STK31: variants seen among roughly 807,000 people sequenced by gnomAD.
STK31 encodes serine/threonine-protein kinase 31.
Under a neutral mutation model 129.7 loss-of-function variants are expected in STK31, and 89 were observed. The ratio of observed to expected loss-of-function variants is 0.69; its 90% confidence interval spans 0.58 to 0.82. The LOEUF is 0.82. Ranked by LOEUF, STK31 falls within the 40% of genes least tolerant of loss-of-function variation. The pLI, the probability that STK31 is intolerant of heterozygous loss-of-function variation, is 0.00. For synonymous variants in STK31, 448 were observed against 395.3 expected (o/e 1.13, Z -1.58); for missense variants, 1,187 against 1,176.4 (o/e 1.01, Z -0.13).
chr7:23,805,442 A>T (rs1234400352), intron 22 of STK31, among the ~76,000 whole-genome samples: 1 of 152,006 alleles, frequency 6.6e-6, no homozygotes. Context: ...ATTACATTTT[A>T]TTTCTTTAAC....
At chr7:23,810,902 A>G (rs1399529351) in intron 22 of STK31, among the ~76,000 whole-genome samples, 1 of 136,380 alleles carries the variant, frequency 7.3e-6, no homozygotes, top group Admixed American at 7.9e-5. Context: ...TTATATATAA[A>G]TATACATAAA....
rs183565422 is a variant in STK31 at position 23,747,619 on chromosome 7, C to T, written c.1018-5098C>T. 4.6e-5 allele frequency among the ~76,000 whole-genome samples: 7 copies of T among 152,294 alleles called. No individual in the cohort carries two copies. The South Asian group carries it at 8.3e-4, about 18-fold the overall frequency. ...TCCTGACCTCGTGATCCACCCGCCT[C>T]GGCCTCCCAAAGTGCTGGGATTACA... On this transcript the variant is annotated intron_variant, in intron 8 of 23. Transcript: ENST00000355870.
At chr7:23,764,345 G>C (rs1789677134) in intron 11 of STK31, among the ~76,000 whole-genome samples, 2 of 152,038 alleles carry the variant, frequency 1.3e-5, no homozygotes, top group East Asian at 3.9e-4. Flanking sequence ...AAGACTTTTT[G>C]CCTTAACTGG....
intron 4 of STK31, among the ~76,000 whole-genome samples, chr7:23,725,055 G>C (rs6949415): frequency 2.0e-5 from 3 of 152,084 alleles, no homozygotes; most frequent in African/African-American, 7.2e-5. Flanking sequence ...CTCCCTAATG[G>C]CCTAATGGGC....
chr7:23,725,724 A>G (rs1014444056), intron 4 of STK31, among the ~76,000 whole-genome samples: 1 of 152,230 alleles, frequency 6.6e-6, no homozygotes, highest in African/African-American at 2.4e-5. Flanking sequence ...AGTATAGTTG[A>G]GAGTTAGACT....
At chr7:23,779,828 C>G (rs1265885384) in intron 15 of STK31, among the ~76,000 whole-genome samples, 1 of 152,226 alleles carries the variant, frequency 6.6e-6, no homozygotes, top group African/African-American at 2.4e-5. Context: ...CTTCAACCCT[C>G]TTTTCAGGGG....
At chr7:23,747,557 A>G (rs1013204069) in intron 8 of STK31, among the ~76,000 whole-genome samples, 2 of 151,182 alleles carry the variant, frequency 1.3e-5, no homozygotes, top group African/African-American at 4.9e-5. Context: ...TTTAGTAGAG[A>G]CGGGGTTTCA....
rs1490759764 is a variant in STK31 at position 23,785,515 on chromosome 7, ATCT to A, written c.2191_2193del (p.Leu731del). ...CTCCTTACAATGAGCTTGGAACGAG[ATCT>A]TCTTGATGCTGAGCCCATGAAGGAA... is the stretch of plus-strand genomic sequence containing the variant. On this transcript the variant is annotated inframe_deletion, in exon 18 of 24. Coordinates refer to ENST00000355870, the MANE Select transcript of STK31 (RefSeq NM_031414.5). 1.2e-6 allele frequency: 2 copies of A among 1,613,954 alleles called. No individual in the cohort carries two copies. The highest frequency in any genetic ancestry group is 8.5e-7 in the Non-Finnish European group (1 of 1,179,922).
At position 23,792,903 on chromosome 7, in the gene STK31, T is replaced by C. The variant is rs531216647; in HGVS notation, c.2760+1957T>C. Among the ~76,000 whole-genome samples, 6 of 152,280 alleles carry C rather than the reference T, an allele frequency of 3.9e-5. No homozygotes were observed. In the East Asian group the frequency reaches 1.2e-3, roughly 29 times the overall value. On this transcript the variant is annotated intron_variant, in intron 22 of 23. Coordinates refer to ENST00000355870, the MANE Select transcript of STK31 (RefSeq NM_031414.5). ...GCTGGGTGTAATGGCGTGTCTGTGG[T>C]TCTAGCTCCTTGGTAGGCTGAGACA... is the stretch of plus-strand genomic sequence containing the variant.
chr7:23,762,450 T>TTCA (rs899893828), intron 10 of STK31, among the ~76,000 whole-genome samples: 14 of 152,102 alleles, frequency 9.2e-5, no homozygotes, highest in Non-Finnish European at 1.8e-4. Context: ...AAGTGTATCT[T>TTCA]GAAGGATGAG....
chr7:23,726,132 A>G (rs988786360), intron 4 of STK31: 3 of 152,184 alleles, frequency 2.0e-5, no homozygotes, highest in African/African-American at 7.2e-5. Context: ...TTAACATGAG[A>G]TTTGGTGGAT....
At chr7:23,824,061 G>A in intron 23 of STK31, among the ~76,000 whole-genome samples, 1 of 152,282 alleles carries the variant, frequency 6.6e-6, no homozygotes, top group Non-Finnish European at 1.5e-5. Context: ...TTTTGGCTTA[G>A]GATTGACTTG....
chr7:23,826,846 T>C (rs936263561), intron 23 of STK31, among the ~76,000 whole-genome samples: 9 of 151,996 alleles, frequency 5.9e-5, no homozygotes, highest in Non-Finnish European at 8.8e-5. Flanking sequence ...TTCTCCTTCA[T>C]TTATGAAGCT....
At chr7:23,750,753 A>G (rs1263086980) in intron 8 of STK31, among the ~76,000 whole-genome samples, 1 of 152,156 alleles carries the variant, frequency 6.6e-6, no homozygotes, top group African/African-American at 2.4e-5. Flanking sequence ...TTTTCTTGGT[A>G]CATAGTATTT....
chr7:23,801,219 A>G (rs1340119278), intron 22 of STK31, among the ~76,000 whole-genome samples: 1 of 152,108 alleles, frequency 6.6e-6, no homozygotes, highest in Non-Finnish European at 1.5e-5. Context: ...GGCACCTCGT[A>G]TTGTTATTAT....
At chr7:23,830,498 G>A (rs896005150) in intron 23 of STK31, among the ~76,000 whole-genome samples, 3 of 151,544 alleles carry the variant, frequency 2.0e-5, no homozygotes, top group Admixed American at 2.0e-4. Flanking sequence ...CTTCTTCCTT[G>A]AACCAGTGAT....
chr7:23,757,328 G>T (rs1015796459), intron 10 of STK31, among the ~76,000 whole-genome samples: 5 of 152,156 alleles, frequency 3.3e-5, no homozygotes, highest in Non-Finnish European at 1.5e-5. Context: ...CCAAGGGACC[G>T]GCGCTCAGCA....
intron 23 of STK31, among the ~76,000 whole-genome samples, chr7:23,823,467 G>C (rs569387681): frequency 1.9e-4 from 29 of 152,070 alleles, no homozygotes; most frequent in African/African-American, 6.5e-4. Context: ...TTGTAAATTT[G>C]TTTGAGTTCA....
chr7:23,754,364 C>G lies in STK31; in HGVS notation c.1183C>G (p.Gln395Glu), dbSNP rs1475769959. The G allele has an allele frequency of 3.1e-6, 5 of 1,613,916 alleles. No individual in the cohort carries two copies. The highest frequency in any genetic ancestry group is 4.2e-6 in the Non-Finnish European group (5 of 1,179,928). ...RFGKDLSDAI[Q>E]VLDEGCFTTP... ...CGGAAAAGACCTTTCAGATGCTATA[C>G]AAGTGTTGGATGAAGGGTGCTTTAC... The change falls in exon 10 of 24, where the codon CAA (glutamine) becomes GAA (glutamate). Residue 395 changes from glutamine to glutamate, a missense_variant. Around this residue, in one of 5 missense-constraint regions of STK31, gnomAD observed 975 missense variants for 934.9 expected, o/e 1.04. Transcript: ENST00000355870.
Sources: gnomAD v4.1 joint callset for allele counts (sites outside exome capture counted in the v4.1 genomes callset) on GRCh38, gnomAD v4.1.1 for gene constraint, gnomAD v4.1.1 regional missense constraint, MANE v1.5 for transcripts, NCBI Gene and HGNC (gene_info 2026-07-23, HGNC 2026-07-21) for gene names.